Variants in SHISA6 observed in about 807,000 individuals in gnomAD.
SHISA6 encodes protein shisa-6.
Under a neutral mutation model 47.9 loss-of-function variants are expected in SHISA6, and 22 were observed. That is an observed-to-expected ratio of 0.46 (90% confidence interval 0.33 to 0.66). The LOEUF (loss-of-function observed/expected upper bound fraction) is 0.66. Among genes scored for constraint, SHISA6 ranks in the 30% least tolerant of loss-of-function variants. The pLI, the probability that SHISA6 is intolerant of heterozygous loss-of-function variation, is 0.02. For synonymous variants in SHISA6, 388 were observed against 337.8 expected, an observed-to-expected ratio of 1.15 and a Z score of -1.63; for missense variants, 680 against 764.6, an observed-to-expected ratio of 0.89 and a Z score of 1.30.
At chr17:11,368,377 T>G (rs908094304) in intron 2 of SHISA6, among the ~76,000 whole-genome samples, 2 of 152,100 alleles carry the variant, frequency 1.3e-5, no homozygotes, top group Admixed American at 1.3e-4. Context: ...TCGCAGTGAG[T>G]GCCCTAAACC....
chr17:11,319,205 A>C (rs1910627721), intron 2 of SHISA6, among the ~76,000 whole-genome samples: 1 of 151,482 alleles, frequency 6.6e-6, no homozygotes. Context: ...CAGCCTCCCA[A>C]GTAGCTGGGA....
At chr17:11,417,962 A>C (rs905805862) in intron 3 of SHISA6, among the ~76,000 whole-genome samples, 1 of 152,232 alleles carries the variant, frequency 6.6e-6, no homozygotes, top group Admixed American at 6.5e-5. Context: ...GAAGTACTCA[A>C]GGTACTTGGT....
intron 2 of SHISA6, among the ~76,000 whole-genome samples, chr17:11,296,579 A>G (rs1413514047): frequency 6.6e-6 from 1 of 152,144 alleles, no homozygotes; most frequent in Admixed American, 6.5e-5. Context: ...TGTGTTTTGG[A>G]CATGTTACGT....
chr17:11,471,812 C>A (rs1294815068), intron 3 of SHISA6, among the ~76,000 whole-genome samples: 1 of 152,138 alleles, frequency 6.6e-6, no homozygotes, highest in African/African-American at 2.4e-5. Flanking sequence ...AGTTTCACAG[C>A]AAAACTAAGA....
In SHISA6 at chr17:11,532,739, C is replaced by CTTTTTTTTTT. The variant is rs71142217; in HGVS notation, c.896-19141_896-19132dup. ...CATGCCTTTCCCCATTCTATCAGGG[C>CTTTTTTTTTT]TTTTTTTTTTTTTTTTTTTTTTTTT... On this transcript the variant is annotated intron_variant, in intron 3 of 5. Transcript: ENST00000441885. 1.4e-3 allele frequency among the ~76,000 whole-genome samples: 101 copies of CTTTTTTTTTT among 71,302 alleles called. 1 individual carries two copies. Among genetic ancestry groups the CTTTTTTTTTT allele is most frequent in the Admixed American group, 2.2e-3 (10 of 4,542 alleles). 46.8% of individuals were successfully genotyped at this position (71,302 alleles called of 152,430 possible).
chr17:11,339,388 G>C (rs1414341810), intron 2 of SHISA6, among the ~76,000 whole-genome samples: 1 of 151,700 alleles, frequency 6.6e-6, no homozygotes, highest in East Asian at 1.9e-4. Context: ...CTTTACTGTG[G>C]TTATTTCAAA....
At chr17:11,357,077 A>G (rs1912100297) in intron 2 of SHISA6, among the ~76,000 whole-genome samples, 1 of 150,502 alleles carries the variant, frequency 6.6e-6, no homozygotes, top group South Asian at 2.1e-4. Flanking sequence ...AATCCCAGCT[A>G]CTAGGGAGGC....
At chr17:11,301,294 A>AT (rs1909919730) in intron 2 of SHISA6, among the ~76,000 whole-genome samples, 1 of 152,158 alleles carries the variant, frequency 6.6e-6, no homozygotes, top group Admixed American at 6.5e-5. Flanking sequence ...CCCCAGGACC[A>AT]TTAATTACAC....
At chr17:11,471,485 C>T (rs1204045692) in intron 3 of SHISA6, among the ~76,000 whole-genome samples, 3 of 152,172 alleles carry the variant, frequency 2.0e-5, no homozygotes, top group African/African-American at 2.4e-5. Flanking sequence ...GCTTACTCTC[C>T]AACATGCTGG....
At chr17:11,312,584 C>T (rs896321286) in intron 2 of SHISA6, among the ~76,000 whole-genome samples, 12 of 152,164 alleles carry the variant, frequency 7.9e-5, no homozygotes, top group Non-Finnish European at 1.3e-4. Flanking sequence ...GGGATCACTA[C>T]CTTTAAGAGG....
intron 3 of SHISA6, among the ~76,000 whole-genome samples, chr17:11,407,364 C>G (rs891459588): frequency 1.3e-5 from 2 of 152,036 alleles, no homozygotes; most frequent in African/African-American, 4.8e-5. Context: ...CTATGCTGCC[C>G]TAGTGAATGG....
chr17:11,526,092 C>A (rs1334372530), intron 3 of SHISA6, among the ~76,000 whole-genome samples: 1 of 143,976 alleles, frequency 6.9e-6, no homozygotes, highest in Non-Finnish European at 1.5e-5. Flanking sequence ...ATGATGGTGG[C>A]ATGACCCTAC....
At chr17:11,301,008 G>A (rs780340957) in intron 2 of SHISA6, among the ~76,000 whole-genome samples, 14 of 152,074 alleles carry the variant, frequency 9.2e-5, no homozygotes, top group Admixed American at 6.6e-5. Flanking sequence ...AGGGAAACAC[G>A]TTTAAAGAGT....
chr17:11,279,614 A>G (rs1035073368), intron 2 of SHISA6, among the ~76,000 whole-genome samples: 4 of 152,094 alleles, frequency 2.6e-5, no homozygotes, highest in East Asian at 3.9e-4. Flanking sequence ...CCTTGGTAAT[A>G]GAGTCTTAGG....
intron 2 of SHISA6, chr17:11,289,177 T>A: frequency 6.6e-6 from 1 of 152,204 alleles, no homozygotes; most frequent in Non-Finnish European, 1.5e-5. Context: ...TAAGGGGATA[T>A]CTATTTAAAT....
chr17:11,396,873 C>T (rs763018529), intron 3 of SHISA6, among the ~76,000 whole-genome samples: 7 of 152,074 alleles, frequency 4.6e-5, no homozygotes, highest in Admixed American at 6.5e-5. Flanking sequence ...CAAACCTGCA[C>T]GTTCTGCACA....
chr17:11,454,414 C>T (rs1915482073), intron 3 of SHISA6, among the ~76,000 whole-genome samples: 1 of 152,214 alleles, frequency 6.6e-6, no homozygotes, highest in Non-Finnish European at 1.5e-5. Context: ...CCTTTTCAGA[C>T]ATTAATCTGA....
intron 3 of SHISA6, among the ~76,000 whole-genome samples, chr17:11,484,328 T>G (rs1261574776): frequency 2.0e-5 from 3 of 152,092 alleles, no homozygotes; most frequent in Non-Finnish European, 2.9e-5. Flanking sequence ...GAGAACAAAC[T>G]AGAGAGAAAG....
At chr17:11,411,465 C>T (rs1339046961) in intron 3 of SHISA6, among the ~76,000 whole-genome samples, 3 of 149,280 alleles carry the variant, frequency 2.0e-5, no homozygotes, top group Admixed American at 2.0e-4. Flanking sequence ...GGCGTGATCT[C>T]GGCTCACTGC....
Sources: allele counts gnomAD v4.1 joint callset (sites outside exome capture counted in the v4.1 genomes callset), GRCh38; gene constraint gnomAD v4.1.1; transcripts MANE v1.5; gene names NCBI Gene and HGNC (gene_info 2026-07-23, HGNC 2026-07-21).